The following MYO10 variants were observed in gnomAD, a reference collection of about 807,000 sequenced individuals.
The protein encoded by MYO10 is unconventional myosin-X.
Under a neutral mutation model 257.3 loss-of-function variants are expected in MYO10, and 133 were observed. That is an observed-to-expected ratio of 0.52 (90% CI 0.45 to 0.60). The LOEUF is 0.60. MYO10 is among the 20% of genes least tolerant of loss of function. The pLI is 0.00. For synonymous variants in MYO10, 1,104 were observed against 1,028.6 expected (o/e 1.07, Z -1.40); for missense variants, 2,399 against 2,635.7 (o/e 0.91, Z 1.97).
At chr5:16,686,236 T>C (rs1737247162) in intron 28 of MYO10, among the ~76,000 whole-genome samples, 1 of 152,180 alleles carries the variant, frequency 6.6e-6, no homozygotes, top group African/African-American at 2.4e-5. Flanking sequence ...TCAGGTGCTT[T>C]TTCTGTTTTA....
intron 33 of MYO10, 31 bp downstream of exon 33, chr5:16,679,916 C>T: frequency 6.2e-7 from 1 of 1,605,708 alleles, no homozygotes; most frequent in Non-Finnish European, 8.5e-7. Context: ...GAGCTGTAAT[C>T]ACCCACCTTG....
In MYO10 at chr5:16,664,217, T is replaced by TC. The variant is rs1007086136; in HGVS notation, c.*2474dup. 3 of 152,168 alleles carry TC rather than the reference T, an allele frequency of 2.0e-5. No homozygotes were observed. The highest frequency in any genetic ancestry group is 7.2e-5 in the African/African-American group (3 of 41,440). The allele number at this position is 152,168 out of a possible 1,614,324, so 9.4% of individuals were successfully genotyped here. On this transcript the variant is annotated 3_prime_UTR_variant, in exon 41 of 41. Coordinates refer to ENST00000513610, the MANE Select transcript of MYO10 (RefSeq NM_012334.3). ...AACCACAACTATGCCATGTAAAGGC[T>TC]CACATGTAAATCTATGTTCTAACTA...
In MYO10 at chr5:16,802,690, A is replaced by T. The variant is rs984259266; in HGVS notation, c.280-7857T>A. Among the ~76,000 whole-genome samples the T allele has an allele frequency of 5.9e-4, 89 of 149,700 alleles. 1 individual carries two copies. The highest frequency in any genetic ancestry group is 3.4e-3 in the Middle Eastern group (1 of 290). On this transcript the variant is annotated intron_variant, in intron 3 of 40. Transcript: ENST00000513610. Reference sequence around the variant, plus strand: ...AAAAAAAAAGAAAGAAAGAAAAATTAAAAAAAATAAGTAATGCTGGGAATT... The same window carrying T: ...AAAAAAAAAGAAAGAAAGAAAAATTTAAAAAAATAAGTAATGCTGGGAATT...
rs79047969 is a variant in MYO10, at chr5:16,803,963, G to C, written c.280-9130C>G. On this transcript the variant is annotated intron_variant, in intron 3 of 40. Transcript: ENST00000513610. ...CATAACCCTGTGATGGGCAGCAGAG[G>C]TCACTGCTCCTGCCTCTTCTGACAG... is the stretch of plus-strand genomic sequence containing the variant. 3.4e-3 allele frequency among the ~76,000 whole-genome samples: 511 copies of C among 152,334 alleles called. 3 individuals carry two copies. Among genetic ancestry groups the C allele is most frequent in the Non-Finnish European group, 4.9e-3 (331 of 68,030 alleles).
rs770806272 is a variant in MYO10 at position 16,711,179 on chromosome 5, C to T, written c.1996G>A (p.Val666Met). Residue 666 changes from valine to methionine, a missense_variant, in exon 20 of 41, where the codon GTG becomes ATG. Physicochemically the swap from Val to Met is conservative, Grantham distance 21. Coordinates refer to ENST00000513610, the MANE Select transcript of MYO10 (RefSeq NM_012334.3). ...GCATACCCAGCTTTGCGGATTCTCA[C>T]AGTCTCCAGCATCCCTGAGTACCGC... is the stretch of plus-strand genomic sequence containing the variant. ...QLRYSGMLET[V>M]RIRKAGYAVR... 1 of 1,613,640 alleles carries T rather than the reference C, an allele frequency of 6.2e-7. No individual in the cohort carries two copies. Among genetic ancestry groups the T allele is most frequent in the Non-Finnish European group, 8.5e-7 (1 of 1,179,776 alleles).
chr5:16,884,669 TTC>T (rs1436460056), intron 1 of MYO10, among the ~76,000 whole-genome samples: 5 of 151,688 alleles, frequency 3.3e-5, no homozygotes, highest in African/African-American at 1.2e-4. Context: ...TTTTTTTTTT[TTC>T]CTTCTGTTGG....
At chr5:16,918,810 T>C (rs1003521697) in intron 1 of MYO10, among the ~76,000 whole-genome samples, 1 of 152,084 alleles carries the variant, frequency 6.6e-6, no homozygotes, top group Non-Finnish European at 1.5e-5. Context: ...CCACTGAAAG[T>C]ATTTTTCGAG....
At chr5:16,714,483 G>GT (rs1447985111) in intron 19 of MYO10, among the ~76,000 whole-genome samples, 1 of 152,072 alleles carries the variant, frequency 6.6e-6, no homozygotes, top group Non-Finnish European at 1.5e-5. Context: ...TCTGTGCTGG[G>GT]TAAGGATCCC....
At position 16,779,548 on chromosome 5, in the gene MYO10, A is replaced by G. The variant is rs764316388; in HGVS notation, c.927T>C (p.Val309=). 2.6e-6 allele frequency: 4 copies of G among 1,545,782 alleles called. No individual in the cohort carries two copies. The highest frequency in any genetic ancestry group is 3.5e-6 in the Non-Finnish European group (4 of 1,142,188). The change falls in exon 9 of 41, where the codon GTT becomes GTC. Residue 309 remains valine (V), a synonymous_variant. Transcript: ENST00000513610. Reference sequence around the variant, plus strand: ...AAAACATTTAAAAGTAACTTACAATAACTTCCCTAAAGGATTCCTGGTCAC... The same window carrying G: ...AAAACATTTAAAAGTAACTTACAATGACTTCCCTAAAGGATTCCTGGTCAC... ...TISDQESFRE[V]ITAMDVMQFS... is the part of the protein sequence containing the mutation.
rs61326508 is a variant in MYO10 at position 16,777,839 on chromosome 5, C to CTTTTTTTTTTTTTTTTTTT, written c.930+1687_930+1705dup. Among the ~76,000 whole-genome samples, 7 of 88,480 alleles carry CTTTTTTTTTTTTTTTTTTT rather than the reference C, an allele frequency of 7.9e-5. 1 individual carries two copies. Among genetic ancestry groups the CTTTTTTTTTTTTTTTTTTT allele is most frequent in the African/African-American group, 3.8e-4 (7 of 18,636 alleles). 58.0% of individuals were successfully genotyped at this position (88,480 alleles called of 152,430 possible). A position where few individuals can be genotyped will look rare whatever the true frequency, so the allele number is the denominator to read the frequency against. ...GCCACCCTAGGTGCATTGCATCTAA[C>CTTTTTTTTTTTTTTTTTTT]TTTTTTTTTTTTTTTTTTTTTTTTT... On this transcript the variant is annotated intron_variant, in intron 9 of 40. Coordinates refer to ENST00000513610, the MANE Select transcript of MYO10 (RefSeq NM_012334.3).
intron 1 of MYO10, among the ~76,000 whole-genome samples, chr5:16,922,285 G>A (rs1746009145): frequency 6.6e-6 from 1 of 151,962 alleles, no homozygotes. Flanking sequence ...CCACATCTGA[G>A]AATCCGAGGG....
At chr5:16,790,131 T>C (rs73756261) in intron 4 of MYO10, among the ~76,000 whole-genome samples, 5,492 of 151,826 alleles carry the variant, frequency 0.036, 312 homozygotes, top group African/African-American at 0.12. Context: ...TTTCTAGAAA[T>C]AGAAAAAGAC....
intron 19 of MYO10, among the ~76,000 whole-genome samples, chr5:16,721,387 T>A (rs915440435): frequency 6.6e-6 from 1 of 152,216 alleles, no homozygotes; most frequent in Non-Finnish European, 1.5e-5. Flanking sequence ...TTCCTGACCT[T>A]GAACAGAAGG....
intron 2 of MYO10, among the ~76,000 whole-genome samples, chr5:16,854,555 G>A (rs889877976): frequency 1.3e-5 from 2 of 152,130 alleles, no homozygotes; most frequent in East Asian, 3.9e-4. Flanking sequence ...GAGGGTGGAG[G>A]GAGAGCTTGG....
intron 2 of MYO10, among the ~76,000 whole-genome samples, chr5:16,829,903 G>A (rs112294017): frequency 6.5e-5 from 8 of 122,998 alleles, no homozygotes; most frequent in South Asian, 2.5e-4. Context: ...ACACACACAC[G>A]CACACGCACA....
chr5:16,823,761 T>C (rs563441727), intron 2 of MYO10, among the ~76,000 whole-genome samples: 50 of 142,904 alleles, frequency 3.5e-4, no homozygotes, highest in African/African-American at 9.7e-4. Context: ...CGTGAGCCAC[T>C]GCGCCTGGCT....
intron 19 of MYO10, among the ~76,000 whole-genome samples, chr5:16,719,087 C>T (rs1422177996): frequency 1.3e-5 from 2 of 152,210 alleles, no homozygotes; most frequent in African/African-American, 2.4e-5. Flanking sequence ...AATCTTGCTA[C>T]TGCTCACTCT....
At chr5:16,905,727 G>A (rs967166765) in intron 1 of MYO10, among the ~76,000 whole-genome samples, 22 of 152,242 alleles carry the variant, frequency 1.4e-4, no homozygotes, top group East Asian at 7.7e-4. Flanking sequence ...TCTTTTGTTT[G>A]CTTTAACAAA....
chr5:16,760,295 CA>C (rs749694848), intron 17 of MYO10, among the ~76,000 whole-genome samples: 1,365 of 107,248 alleles, frequency 0.013, 16 homozygotes, highest in African/African-American at 0.036. Context: ...ACTAAAGATA[CA>C]AAAAAAAAAA....
Sources: allele counts gnomAD v4.1 joint callset (sites outside exome capture counted in the v4.1 genomes callset), GRCh38; gene constraint gnomAD v4.1.1; transcripts MANE v1.5; gene names NCBI Gene and HGNC (gene_info 2026-07-23, HGNC 2026-07-21).